Variants in ATG16L2 observed in about 807,000 individuals in gnomAD.
The protein encoded by ATG16L2 is protein Atg16l2.
ATG16L2 carries 77 observed loss-of-function variants against 84.7 expected under a neutral mutation model. The observed-to-expected ratio is 0.91, with a 90% CI of 0.76 to 1.10. The LOEUF is 1.10. ATG16L2 is among the 50% of genes least tolerant of loss of function. ATG16L2 has a pLI of 0.00. For synonymous variants in ATG16L2, 361 were observed against 342.8 expected (o/e 1.05, Z -0.59); for missense variants, 782 against 817.6 (o/e 0.96, Z 0.53).
At chr11:72,842,518 G>C (rs1860992238) in intron 5 of ATG16L2, 7 of 1,407,166 alleles carry the variant, frequency 5.0e-6, no homozygotes, top group Non-Finnish European at 6.8e-6. Flanking sequence ...GACCGGTGAG[G>C]GTAAGGCAGA....
intron 5 of ATG16L2, chr11:72,841,346 A>T: frequency 1.2e-6 from 1 of 838,170 alleles, no homozygotes; most frequent in Non-Finnish European, 1.7e-6. Flanking sequence ...TCTCCAAAAA[A>T]AAAAAAAAAA....
At chr11:72,824,877 T>C in intron 9 of ATG16L2, 35 bp downstream of exon 9, 1 of 1,535,128 alleles carries the variant, frequency 6.5e-7, no homozygotes, top group Non-Finnish European at 8.8e-7. Context: ...GGTGGGGCAG[T>C]GGTGAGAGAG....
chr11:72,816,809 C>T lies in ATG16L2; in HGVS notation c.200C>T (p.Thr67Ile), dbSNP rs144002516. 6 of 1,614,094 alleles carry T rather than the reference C, an allele frequency of 3.7e-6. No individual in the cohort carries two copies. In the African/African-American group the frequency reaches 8.0e-5, roughly 22 times the overall value. The change falls in exon 2 of 18, where the codon ACC (threonine) becomes ATC (isoleucine). Residue 67 changes from threonine to isoleucine, a missense_variant. Thr to Ile is a moderately conservative substitution (Grantham distance 89). Coordinates refer to ENST00000321297, the MANE Select transcript of ATG16L2 (RefSeq NM_033388.2). ...LQPEPNSVTP[T>I]THQGPWEESE... ...CCGGAGCCAAACAGTGTCACTCCCA[C>T]CACCCACCAGGGCCCCTGGTAAGTG...
chr11:72,835,960 C>A (rs933263665), intron 5 of ATG16L2, among the ~76,000 whole-genome samples: 10 of 152,138 alleles, frequency 6.6e-5, no homozygotes, highest in African/African-American at 2.4e-4. Context: ...GTTGGTCAGG[C>A]TGGTCTCAAA....
intron 1 of ATG16L2, among the ~76,000 whole-genome samples, chr11:72,816,505 C>T (rs545746508): frequency 1.3e-5 from 2 of 152,328 alleles, no homozygotes; most frequent in Admixed American, 1.3e-4. Flanking sequence ...TCCTCTTCCA[C>T]GTGGGCCTGG....
chr11:72,816,642 A>T, intron 1 of ATG16L2, 86 bp from the exon 2 acceptor site: 1 of 1,118,618 alleles, frequency 8.9e-7, no homozygotes, highest in Non-Finnish European at 1.3e-6. Context: ...GGGCTCCTTC[A>T]GCCCTTTTAG....
Position 72,824,042 on chromosome 11 carries a change from CTCTT to C in ATG16L2, c.825-17_825-14del. The C allele has an allele frequency of 6.2e-7, 1 of 1,614,216 alleles. No homozygotes were observed. Among genetic ancestry groups the C allele is most frequent in the Non-Finnish European group, 8.5e-7 (1 of 1,180,014 alleles). ...CACCAGCCAGTCCCTTAGCATATCT[CTCTT>C]GGTTTTGTCTCAGGTCTGCCTCAGC... is the stretch of plus-strand genomic sequence containing the variant. On this transcript the variant is annotated splice_polypyrimidine_tract_variant and intron_variant, in intron 7 of 17. Transcript: ENST00000321297.
Position 72,843,185 on chromosome 11 carries a change from T to A in ATG16L2, c.*590T>A. The A allele has an allele frequency of 6.2e-7, 1 of 1,613,928 alleles. No homozygotes were observed. The highest frequency in any genetic ancestry group is 8.5e-7 in the Non-Finnish European group (1 of 1,179,884). On this transcript the variant is annotated 3_prime_UTR_variant, in exon 6 of 6. Transcript: ENST00000534905. ...CTCCGTTGAGGCTGCCTGAAACGAG[T>A]TCTGCTTCCGTGGAATTGCTGGACG... is the stretch of plus-strand genomic sequence containing the variant.
chr11:72,822,713 T>G lies in ATG16L2; in HGVS notation c.711-135T>G. ...GACCGTGTGGTCGTAGGAGCCTGCA[T>G]GCGTGACCGCTGCACGTGTACACCC... On this transcript the variant is annotated intron_variant, in intron 6 of 17. Coordinates refer to ENST00000321297, the MANE Select transcript of ATG16L2 (RefSeq NM_033388.2). The surrounding 1 kb of genome is among the most constrained non-coding windows in gnomAD (Gnocchi z 4.2). The G allele has an allele frequency of 9.6e-7, 1 of 1,036,572 alleles. No individual in the cohort carries two copies. The highest frequency in any genetic ancestry group is 2.8e-5 in the Admixed American group (1 of 36,264). The allele number at this position is 1,036,572 out of a possible 1,614,324, so 64.2% of individuals were successfully genotyped here. A position where few individuals can be genotyped will look rare whatever the true frequency, so the allele number is the denominator to read the frequency against.
chr11:72,825,056 G>C (rs752770334), intron 9 of ATG16L2, among the ~76,000 whole-genome samples: 6 of 152,128 alleles, frequency 3.9e-5, no homozygotes, highest in African/African-American at 9.7e-5. Flanking sequence ...AGGAGGCTGG[G>C]AGGCCAGGAG....
chr11:72,824,154 CGT>C, intron 8 of ATG16L2, 32 bp downstream of exon 8: 9 of 1,613,700 alleles, frequency 5.6e-6, no homozygotes, highest in Non-Finnish European at 7.6e-6. Context: ...TGTGCACCCA[CGT>C]GTGTGTCGGG....
chr11:72,814,529 G>T lies in ATG16L2; in HGVS notation c.84G>T (p.Thr28=), dbSNP rs147121349. ...GGCAGCTGCGGCTTCGGGACCGTAC[G>T]CAAAAGGCGCTTTTCCTGGAGCTGG... is the stretch of plus-strand genomic sequence containing the variant. ...IVRQLRLRDR[T]QKALFLELVP... The change falls in exon 1 of 18, where the codon ACG becomes ACT. Residue 28 remains threonine (T), a synonymous_variant. Coordinates refer to ENST00000321297, the MANE Select transcript of ATG16L2 (RefSeq NM_033388.2). 6.4e-6 allele frequency: 10 copies of T among 1,571,792 alleles called. No individual in the cohort carries two copies. In the African/African-American group the frequency reaches 1.1e-4, roughly 17 times the overall value.
chr11:72,843,544 G>T, exon 6 of ATG16L2: 2 of 1,601,708 alleles, frequency 1.2e-6, no homozygotes, highest in East Asian at 2.2e-5. Context: ...TGCAGTGTAG[G>T]ATGGTCATGG....
chr11:72,825,032 G>C (rs775329171), intron 9 of ATG16L2, among the ~76,000 whole-genome samples, 190 bp downstream of exon 9: 2 of 152,182 alleles, frequency 1.3e-5, no homozygotes. Flanking sequence ...GGCATAAGCC[G>C]GGGAGGGAGA....
At chr11:72,835,151 TG>T (rs1322724517) in intron 5 of ATG16L2, among the ~76,000 whole-genome samples, 1 of 152,224 alleles carries the variant, frequency 6.6e-6, no homozygotes, top group African/African-American at 2.4e-5. Context: ...AGCTGAGCTT[TG>T]CCCTTGGTCA....
intron 2 of ATG16L2, 110 bp from the exon 3 acceptor site, chr11:72,817,646 G>A (rs1233981288): frequency 1.9e-6 from 2 of 1,053,620 alleles, no homozygotes; most frequent in African/African-American, 3.1e-5. Context: ...CATCTTCCCA[G>A]GACGAAGTTA....
rs1860328409 is a variant in ATG16L2, at chr11:72,826,064, GA to G, written c.1103-108del. 8.1e-6 allele frequency: 7 copies of G among 860,832 alleles called. No individual in the cohort carries two copies. The Admixed American group carries it at 1.4e-4, about 17-fold the overall frequency. The allele number at this position is 860,832 out of a possible 1,614,324, so 53.3% of individuals were successfully genotyped here. On this transcript the variant is annotated intron_variant, in intron 10 of 17. Transcript: ENST00000321297. Reference sequence around the variant, plus strand: ...CAGCGATTCTGTCTTCTAACCTGGGGATGTGTCGGGGGGTGGGGCGGGAACT... The same window carrying G: ...CAGCGATTCTGTCTTCTAACCTGGGGTGTGTCGGGGGGTGGGGCGGGAACT...
chr11:72,838,906 T>A (rs1370893655), intron 5 of ATG16L2: 16 of 1,573,602 alleles, frequency 1.0e-5, no homozygotes, highest in Non-Finnish European at 1.4e-5. Flanking sequence ...AGTTTGTCAG[T>A]CAGTTCCTGA....
chr11:72,817,844 G>A lies in ATG16L2; in HGVS notation c.307G>A (p.Val103Ile). The A allele has an allele frequency of 6.2e-7, 1 of 1,610,774 alleles. No homozygotes were observed. Among genetic ancestry groups the A allele is most frequent in the Non-Finnish European group, 8.5e-7 (1 of 1,179,930 alleles). Reference sequence around the variant, plus strand: ...GGAGGAGGAGGAGGGGCTCCGGCTGGTCTGTGGTGAGGTAAGTTGGGAAGG... The same window carrying A: ...GGAGGAGGAGGAGGGGCTCCGGCTGATCTGTGGTGAGGTAAGTTGGGAAGG... ...WQEEEEGLRL[V>I]CGEMAYQVVE... The change falls in exon 3 of 18, where the codon GTC becomes ATC. Residue 103 changes from valine (V) to isoleucine (I), a missense_variant. By Grantham distance (29) the Val-to-Ile change is conservative. Transcript: ENST00000321297.
Sources: gnomAD v4.1 joint callset for allele counts (sites outside exome capture counted in the v4.1 genomes callset) on GRCh38, gnomAD v4.1.1 for gene constraint, Gnocchi (gnomAD v3.1) non-coding constraint, MANE v1.5 for transcripts, NCBI Gene and HGNC (gene_info 2026-07-23, HGNC 2026-07-21) for gene names.